VWF: variants seen among roughly 807,000 people sequenced by gnomAD.
The protein encoded by VWF is Factor VIII related antigen.
VWF carries 176 observed loss-of-function variants against 308.6 expected under a neutral mutation model. The observed-to-expected ratio is 0.57, with a 90% confidence interval of 0.50 to 0.65. The LOEUF (loss-of-function observed/expected upper bound fraction) is 0.65. VWF is among the 30% of genes least tolerant of loss of function. The pLI is 0.00. For missense variants in VWF, 3,146 were observed against 3,648.2 expected, an observed-to-expected ratio of 0.86 and a Z score of 3.55; for synonymous variants, 1,385 against 1,443.4, an observed-to-expected ratio of 0.96 and a Z score of 0.92.
intron 5 of VWF, among the ~76,000 whole-genome samples, chr12:6,101,438 A>T (rs1371705355): frequency 3.3e-5 from 4 of 119,584 alleles, no homozygotes; most frequent in African/African-American, 2.9e-4. Flanking sequence ...AAAGAGCTTA[A>T]AAAAAAAAAA....
chr12:6,090,294 C>T (rs1945017418), intron 6 of VWF, among the ~76,000 whole-genome samples: 2 of 152,154 alleles, frequency 1.3e-5, no homozygotes, highest in Non-Finnish European at 2.9e-5. Flanking sequence ...CTCGAGTGCA[C>T]TCAATTTGAA....
In VWF at chr12:6,064,465, A is replaced by G. The variant is rs1591895466; in HGVS notation, c.1294-81T>C. On this transcript the variant is annotated intron_variant, in intron 11 of 51. Coordinates refer to ENST00000261405, the MANE Select transcript of VWF (RefSeq NM_000552.5). ...CAGCCCAGGACCCTCTTAATCAGAG[A>G]AAGGCCTCAACCCGAGAGCCTCTGG... The G allele has an allele frequency of 2.5e-6, 4 of 1,583,460 alleles. No homozygotes were observed. In the African/African-American group the frequency reaches 4.0e-5, roughly 16 times the overall value.
intron 6 of VWF, among the ~76,000 whole-genome samples, chr12:6,086,749 A>G (rs1944977086): frequency 6.6e-6 from 1 of 152,230 alleles, no homozygotes. Flanking sequence ...AAATAGCAGA[A>G]AGGGCTGGTA....
intron 22 of VWF, among the ~76,000 whole-genome samples, chr12:6,026,277 A>G (rs1252943987): frequency 1.3e-5 from 2 of 152,178 alleles, no homozygotes; most frequent in African/African-American, 4.8e-5. Flanking sequence ...AGCTATGGAA[A>G]CAGAGAGGCA....
At chr12:6,095,653 C>T in intron 5 of VWF, 69 bp from the exon 6 acceptor site, 1 of 1,608,690 alleles carries the variant, frequency 6.2e-7, no homozygotes, top group Non-Finnish European at 8.5e-7. Context: ...GGTGAAAATT[C>T]TAGGTCTGCT....
At position 6,000,811 on chromosome 12, in the gene VWF, C is replaced by CAAAAA. The variant is rs71064181; in HGVS notation, c.5843-4594_5843-4590dup. Among the ~76,000 whole-genome samples, 17 of 69,808 alleles carry CAAAAA rather than the reference C, an allele frequency of 2.4e-4. 1 individual carries two copies. The highest frequency in any genetic ancestry group is 3.8e-4 in the Admixed American group (2 of 5,284). 45.8% of individuals were successfully genotyped at this position (69,808 alleles called of 152,430 possible). On this transcript the variant is annotated intron_variant, in intron 34 of 51. Coordinates refer to ENST00000261405, the MANE Select transcript of VWF (RefSeq NM_000552.5). The stretch of plus-strand genomic sequence containing the variant: ...TGAGCCACAGAGCGAGACTCTGTCT[C>CAAAAA]AAAAAAAAAAAAAAAAAAAAAAAGA...
chr12:5,964,006 G>C (rs556706409), intron 47 of VWF, among the ~76,000 whole-genome samples: 2 of 151,830 alleles, frequency 1.3e-5, no homozygotes, highest in Non-Finnish European at 2.9e-5. Flanking sequence ...AGGAGATTGA[G>C]ACCATTCTGG....
At chr12:6,114,778 C>T (rs557870079) in intron 3 of VWF, among the ~76,000 whole-genome samples, 26 of 152,280 alleles carry the variant, frequency 1.7e-4, no homozygotes, top group African/African-American at 4.8e-4. Context: ...AGCCAGGGGA[C>T]GTGGGGCTGG....
Position 6,029,402 on chromosome 12 carries a change from G to A in VWF, c.2907C>T (p.Ala969=), listed in dbSNP as rs1002917492. The change falls in exon 22 of 52, where the codon GCC becomes GCT. Residue 969 remains alanine, a synonymous_variant. Coordinates refer to ENST00000261405, the MANE Select transcript of VWF (RefSeq NM_000552.5). ...GRYIILLLGK[A]LSVVWDRHLS... ...GGTGGCGGTCCCAGACCACGGAGAGGGCTTTGCCCAGCAGCAGAATGATGT... is the reference window on the plus strand; with the variant it reads ...GGTGGCGGTCCCAGACCACGGAGAGAGCTTTGCCCAGCAGCAGAATGATGT... 1.9e-6 allele frequency: 3 copies of A among 1,614,096 alleles called. No homozygotes were observed. Among genetic ancestry groups the A allele is most frequent in the Admixed American group, 3.3e-5 (2 of 60,026 alleles).
At chr12:6,111,676 T>G (rs868505384) in intron 3 of VWF, among the ~76,000 whole-genome samples, 1 of 151,820 alleles carries the variant, frequency 6.6e-6, no homozygotes, top group African/African-American at 2.4e-5. Flanking sequence ...ATCGGTCGAG[T>G]GCGGTGGCTC....
chr12:6,045,243 T>C (rs1944435850), intron 17 of VWF, among the ~76,000 whole-genome samples: 1 of 152,218 alleles, frequency 6.6e-6, no homozygotes, highest in African/African-American at 2.4e-5. Flanking sequence ...AAAGCCCAGG[T>C]GCACTTAATA....
chr12:6,069,274 C>G (rs1944755979), intron 10 of VWF, among the ~76,000 whole-genome samples: 1 of 152,136 alleles, frequency 6.6e-6, no homozygotes. Context: ...TCAACTCATC[C>G]AAGTTCCCAA....
At position 6,110,947 on chromosome 12, in the gene VWF, C is replaced by T. The variant is rs1274318204; in HGVS notation, c.242G>A (p.Arg81Lys). 6.2e-7 allele frequency: 1 copy of T among 1,614,146 alleles called. No individual in the cohort carries two copies. Among genetic ancestry groups the T allele is most frequent in the Admixed American group, 1.7e-5 (1 of 60,010 alleles). The change falls in exon 4 of 52, where the codon AGA (arginine) becomes AAA (lysine). Residue 81 changes from arginine (R) to lysine (K), a missense_variant. Arg to Lys is a conservative substitution (Grantham distance 26). Around this residue, in one of 3 missense-constraint regions of VWF, gnomAD observed 1,304 missense variants for 1,353.0 expected, o/e 0.96. Coordinates refer to ENST00000261405, the MANE Select transcript of VWF (RefSeq NM_000552.5). ...CCCAAGATACACGGAGAGGCTCACTCTCTTGCCATTCTGGAAGTCCCCTGA... is the reference window on the plus strand; with the variant it reads ...CCCAAGATACACGGAGAGGCTCACTTTCTTGCCATTCTGGAAGTCCCCTGA... ...SIIGDFQNGK[R>K]VSLSVYLGEF...
At chr12:5,981,380 A>G (rs1343722968) in intron 42 of VWF, among the ~76,000 whole-genome samples, 2 of 152,214 alleles carry the variant, frequency 1.3e-5, no homozygotes, top group Non-Finnish European at 2.9e-5. Flanking sequence ...ATGTATAACT[A>G]TTAACTGATC....
At chr12:6,025,037 A>AAAG (rs1565834234) in intron 24 of VWF, among the ~76,000 whole-genome samples, 5 of 149,248 alleles carry the variant, frequency 3.4e-5, no homozygotes, top group Non-Finnish European at 4.4e-5. Flanking sequence ...AAAAAAAAAA[A>AAAG]AGAGAGAGAC....
At chr12:5,985,257 T>C (rs1943666006) in intron 39 of VWF, 138 bp from the exon 40 acceptor site, 1 of 887,532 alleles carries the variant, frequency 1.1e-6, no homozygotes, top group Admixed American at 2.0e-5. Flanking sequence ...CCACGGGACC[T>C]CTGACAGATG....
chr12:6,065,198 T>G lies in VWF; in HGVS notation c.1232A>C (p.Gln411Pro), dbSNP rs757658534. Residue 411 changes from glutamine (Q) to proline (P), a missense_variant, in exon 11 of 52, where the codon CAG becomes CCG. This residue lies in a region of VWF where 1,304 missense variants were observed against 1,353.0 expected (regional missense o/e 0.96). Transcript: ENST00000261405. ...CTGGCAATCCCGGGCCAGCAGGTAC[T>G]GGCAGATCCCACTGAAGGTGAAGTA... ...NRYFTFSGIC[Q>P]YLLARDCQDH... is the part of the protein sequence containing the mutation. The G allele has an allele frequency of 6.2e-7, 1 of 1,614,190 alleles. No homozygotes were observed. The highest frequency in any genetic ancestry group is 1.1e-5 in the South Asian group (1 of 91,076).
intron 38 of VWF, among the ~76,000 whole-genome samples, chr12:5,987,311 G>T (rs940836631): frequency 1.3e-5 from 2 of 152,168 alleles, no homozygotes; most frequent in Admixed American, 6.5e-5. Context: ...TTTTCTAAGA[G>T]TTTTACATTT....
intron 32 of VWF, among the ~76,000 whole-genome samples, chr12:6,013,070 G>C (rs1183382293): frequency 1.3e-5 from 2 of 152,136 alleles, no homozygotes; most frequent in Non-Finnish European, 2.9e-5. Context: ...GAGTCTCCGT[G>C]TTATCGTATT....
Sources: allele counts gnomAD v4.1 joint callset (sites outside exome capture counted in the v4.1 genomes callset), GRCh38; gene constraint gnomAD v4.1.1; regional missense constraint gnomAD v4.1.1; transcripts MANE v1.5; gene names NCBI Gene and HGNC (gene_info 2026-07-23, HGNC 2026-07-21).